The following ZNF804B variants were observed in gnomAD, a reference collection of about 807,000 sequenced individuals.
ZNF804B encodes the protein zinc finger protein 804B.
In ZNF804B, 80 loss-of-function variants were observed where a neutral mutation model predicts 101.4. That is an observed-to-expected ratio of 0.79 (90% CI 0.66 to 0.95). ZNF804B has a LOEUF of 0.95. Ranked by LOEUF, ZNF804B falls within the 40% of genes least tolerant of loss-of-function variation. The probability of loss-of-function intolerance (pLI) is 0.00; values close to 1 mark genes in which losing one functional copy is unlikely to be tolerated. For missense variants in ZNF804B, 1,673 were observed against 1,561.9 expected (o/e 1.07, Z -1.20); for synonymous variants, 622 against 558.8 (o/e 1.11, Z -1.59).
chr7:89,255,420 A>T (rs1584086168), intron 2 of ZNF804B, among the ~76,000 whole-genome samples: 1 of 152,176 alleles, frequency 6.6e-6, no homozygotes, highest in African/African-American at 2.4e-5. Flanking sequence ...ATAGACAAGT[A>T]AAAAAATGGG....
intron 1 of ZNF804B, among the ~76,000 whole-genome samples, chr7:88,967,777 C>T (rs375243301): frequency 6.7e-5 from 10 of 148,474 alleles, no homozygotes; most frequent in South Asian, 2.1e-4. Context: ...AACTTTAACA[C>T]GAGAAAATTT....
At chr7:89,327,291 A>G (rs1790910069) in intron 2 of ZNF804B, 53 bp from the exon 3 acceptor site, 1 of 1,503,494 alleles carries the variant, frequency 6.7e-7, no homozygotes, top group South Asian at 1.3e-5. Context: ...TGTGGATGGA[A>G]AAGAATATAT....
At chr7:89,155,161 C>T (rs1790938636) in intron 1 of ZNF804B, among the ~76,000 whole-genome samples, 1 of 152,160 alleles carries the variant, frequency 6.6e-6, no homozygotes, top group Non-Finnish European at 1.5e-5. Flanking sequence ...TAAATTGTTT[C>T]AGATTTCTCT....
At chr7:89,270,907 C>T (rs367879393) in intron 2 of ZNF804B, among the ~76,000 whole-genome samples, 2 of 152,122 alleles carry the variant, frequency 1.3e-5, no homozygotes, top group Admixed American at 6.6e-5. Context: ...GAATTTTGTA[C>T]ATTGATTTTG....
intron 1 of ZNF804B, among the ~76,000 whole-genome samples, chr7:88,970,365 C>A (rs1793515317): frequency 6.8e-6 from 1 of 147,604 alleles, no homozygotes; most frequent in Non-Finnish European, 1.5e-5. Context: ...ACCCCCACAA[C>A]CCTCTACACT....
At chr7:89,105,321 A>G (rs1790118219) in intron 1 of ZNF804B, among the ~76,000 whole-genome samples, 1 of 152,036 alleles carries the variant, frequency 6.6e-6, no homozygotes, top group Non-Finnish European at 1.5e-5. Context: ...ATTAGTTTGC[A>G]TTTCCTCATG....
intron 1 of ZNF804B, among the ~76,000 whole-genome samples, chr7:88,830,559 T>C (rs1791117282): frequency 6.6e-6 from 1 of 151,982 alleles, no homozygotes; most frequent in Non-Finnish European, 1.5e-5. Flanking sequence ...TTGAAATAAT[T>C]TTAGACTCAT....
At chr7:88,781,498 C>A (rs1790225746) in intron 1 of ZNF804B, among the ~76,000 whole-genome samples, 2 of 152,138 alleles carry the variant, frequency 1.3e-5, no homozygotes, top group South Asian at 4.1e-4. Context: ...GGTCAGAATT[C>A]AAAACTTTTT....
At chr7:89,183,505 T>A (rs950885058) in intron 1 of ZNF804B, among the ~76,000 whole-genome samples, 1 of 152,196 alleles carries the variant, frequency 6.6e-6, no homozygotes, top group African/African-American at 2.4e-5. Context: ...CATTTTCTTT[T>A]AAAAATTATT....
At chr7:89,319,556 A>G (rs1323798239) in intron 2 of ZNF804B, among the ~76,000 whole-genome samples, 1 of 152,206 alleles carries the variant, frequency 6.6e-6, no homozygotes, top group African/African-American at 2.4e-5. Flanking sequence ...TCCAAGTCAC[A>G]GGTGCACAGA....
intron 1 of ZNF804B, among the ~76,000 whole-genome samples, chr7:88,842,803 A>C (rs552174599): frequency 3.5e-4 from 53 of 152,340 alleles, no homozygotes; most frequent in African/African-American, 1.2e-3. Flanking sequence ...CTTGTTAAAG[A>C]AACTCACCTG....
At chr7:89,179,986 A>C (rs578117839) in intron 1 of ZNF804B, among the ~76,000 whole-genome samples, 2 of 152,030 alleles carry the variant, frequency 1.3e-5, no homozygotes, top group Non-Finnish European at 2.9e-5. Flanking sequence ...CTCTTCCCTT[A>C]CCTTTTCCTA....
At chr7:89,329,712 A>G (rs1425891560) in intron 3 of ZNF804B, among the ~76,000 whole-genome samples, 1 of 151,606 alleles carries the variant, frequency 6.6e-6, no homozygotes, top group African/African-American at 2.4e-5. Flanking sequence ...CTGTATGTGA[A>G]CTTCTTATGT....
At position 89,276,005 on chromosome 7, in the gene ZNF804B, C is replaced by T. The variant is rs139889597; in HGVS notation, c.250-51339C>T. ...ATGCAGCCATAAAAAGGAATGAGAGCGTGTTCTTTGCAGGGACACGAATGG... is the reference window on the plus strand; with the variant it reads ...ATGCAGCCATAAAAAGGAATGAGAGTGTGTTCTTTGCAGGGACACGAATGG... On this transcript the variant is annotated intron_variant, in intron 2 of 3. Transcript: ENST00000333190. 4.3e-3 allele frequency among the ~76,000 whole-genome samples: 650 copies of T among 151,892 alleles called. 20 individuals are homozygous for T. Among genetic ancestry groups the T allele is most frequent in the African/African-American group, 0.015 (621 of 41,250 alleles).
At chr7:88,852,982 C>T (rs1791468650) in intron 1 of ZNF804B, among the ~76,000 whole-genome samples, 1 of 152,066 alleles carries the variant, frequency 6.6e-6, no homozygotes, top group African/African-American at 2.4e-5. Context: ...TCCTCCAACC[C>T]ATTTCTGTAC....
At chr7:88,938,566 A>G (rs180969513) in intron 1 of ZNF804B, among the ~76,000 whole-genome samples, 54 of 152,154 alleles carry the variant, frequency 3.5e-4, no homozygotes, top group Non-Finnish European at 6.0e-4. Flanking sequence ...ATGAGAATGT[A>G]TGATTTGTAG....
chr7:89,142,639 T>G (rs1742049391), intron 1 of ZNF804B, among the ~76,000 whole-genome samples: 1 of 152,028 alleles, frequency 6.6e-6, no homozygotes, highest in African/African-American at 2.4e-5. Flanking sequence ...AGCTCTACTG[T>G]TGCCTGTGGC....
intron 1 of ZNF804B, among the ~76,000 whole-genome samples, chr7:89,172,253 C>T (rs572557700): frequency 1.1e-4 from 16 of 152,158 alleles, no homozygotes; most frequent in African/African-American, 3.9e-4. Flanking sequence ...TTTTTGACAA[C>T]ATTCAAGAGA....
chr7:89,034,554 T>A (rs1788894023), intron 1 of ZNF804B, among the ~76,000 whole-genome samples: 1 of 152,102 alleles, frequency 6.6e-6, no homozygotes, highest in Admixed American at 6.6e-5. Context: ...TCCAGCTTCA[T>A]CCATGTCCCT....
Sources: allele counts gnomAD v4.1 joint callset (sites outside exome capture counted in the v4.1 genomes callset), GRCh38; gene constraint gnomAD v4.1.1; transcripts MANE v1.5; gene names NCBI Gene and HGNC (gene_info 2026-07-23, HGNC 2026-07-21).